CARM1: variants seen among roughly 807,000 people sequenced by gnomAD.
CARM1 encodes histone-arginine methyltransferase CARM1.
In CARM1, 14 loss-of-function variants were observed where a neutral mutation model predicts 72.7. That is an observed-to-expected ratio of 0.19 (90% CI 0.13 to 0.30). CARM1 has a LOEUF of 0.30. CARM1 is among the 10% of genes least tolerant of loss of function. The pLI, the probability that CARM1 is intolerant of heterozygous loss-of-function variation, is 1.00. For synonymous variants in CARM1, 333 were observed against 345.5 expected (o/e 0.96, Z 0.40); for missense variants, 432 against 833.7 (o/e 0.52, Z 5.93).
intron 1 of CARM1, among the ~76,000 whole-genome samples, chr19:10,878,733 T>A (rs1790135401): frequency 2.0e-5 from 3 of 152,024 alleles, no homozygotes; most frequent in Admixed American, 6.6e-5. Flanking sequence ...GCTCTAATGC[T>A]AAAGTGTGAA....
chr19:10,912,221 C>A lies in CARM1; in HGVS notation c.596C>A (p.Ser199Ter). ...GTTGGCTGTGGCTCTGGGATCCTGT[C>A]GTTTTTTGCCGCCCAAGCTGGAGCA... ...LDVGCGSGIL[S>*]FFAAQAGARK... The change falls in exon 5 of 16, where the codon TCG becomes TAG. Residue 199 changes from serine to a stop codon, truncating the protein, a stop_gained. Transcript: ENST00000327064. LOFTEE classifies it high-confidence loss of function. The surrounding 1 kb of genome is among the most constrained non-coding windows in gnomAD (Gnocchi z 4.5). 6.2e-7 allele frequency: 1 copy of A among 1,614,136 alleles called. No individual in the cohort carries two copies. The highest frequency in any genetic ancestry group is 1.1e-5 in the South Asian group (1 of 91,086).
chr19:10,884,020 T>G (rs991179112), intron 1 of CARM1, among the ~76,000 whole-genome samples: 2 of 145,988 alleles, frequency 1.4e-5, no homozygotes, highest in Admixed American at 1.4e-4. Context: ...TCTGTTTTTT[T>G]TTTTTTTTTT....
At chr19:10,888,499 G>A (rs982292338) in intron 1 of CARM1, among the ~76,000 whole-genome samples, 2 of 152,208 alleles carry the variant, frequency 1.3e-5, no homozygotes, top group African/African-American at 4.8e-5. Flanking sequence ...ACACCTAAGA[G>A]TGCTTCCTGG....
Position 10,904,988 on chromosome 19 carries a change from A to G in CARM1, c.258A>G (p.Arg86=). 6.2e-7 allele frequency: 1 copy of G among 1,614,198 alleles called. No homozygotes were observed. Among genetic ancestry groups the G allele is most frequent in the Non-Finnish European group, 8.5e-7 (1 of 1,180,012 alleles). ...GTGTCTTTAAGTGCTCAGTGTCCCG[A>G]GAGACAGAGTGCAGCCGTGTGGGCA... ...DVCVFKCSVS[R]ETECSRVGKQ... is the part of the protein sequence containing the mutation. The change falls in exon 2 of 16, where the codon CGA becomes CGG. Residue 86 remains arginine, a synonymous_variant. Coordinates refer to ENST00000327064, the MANE Select transcript of CARM1 (RefSeq NM_199141.2).
chr19:10,872,004 C>T (rs1289010982), intron 1 of CARM1, 82 bp downstream of exon 1: 6 of 1,107,074 alleles, frequency 5.4e-6, no homozygotes, highest in South Asian at 4.4e-5. Context: ...GGGGAGGGGC[C>T]CTGAGCGCGG....
Position 10,913,996 on chromosome 19 carries a change from C to T in CARM1, c.789C>T (p.Leu263=), listed in dbSNP as rs1388647125. The T allele has an allele frequency of 1.2e-6, 2 of 1,613,724 alleles. No homozygotes were observed. The highest frequency in any genetic ancestry group is 1.7e-6 in the Non-Finnish European group (2 of 1,179,954). Residue 263 remains leucine, a synonymous_variant, in exon 6 of 16, where the codon CTC becomes CTT. Coordinates refer to ENST00000327064, the MANE Select transcript of CARM1 (RefSeq NM_199141.2). ...IIISEPMGYM[L]FNERMLESYL... ...TCTCGGAGCCCATGGGCTACATGCT[C>T]TTCAACGAGCGCATGCTGGAGAGCT...
At chr19:10,906,059 T>G (rs1012801446) in intron 2 of CARM1, among the ~76,000 whole-genome samples, 1 of 149,786 alleles carries the variant, frequency 6.7e-6, no homozygotes, top group African/African-American at 2.5e-5. Flanking sequence ...AGGCGATTCT[T>G]ATGCCTCAGC....
chr19:10,890,920 T>C (rs997252300), intron 1 of CARM1, among the ~76,000 whole-genome samples: 3 of 150,076 alleles, frequency 2.0e-5, no homozygotes, highest in Non-Finnish European at 4.4e-5. Flanking sequence ...CAGTGTGCTA[T>C]GACTGGGCGG....
chr19:10,891,909 G>T (rs143554559), intron 1 of CARM1, among the ~76,000 whole-genome samples: 1 of 152,162 alleles, frequency 6.6e-6, no homozygotes, highest in Non-Finnish European at 1.5e-5. Flanking sequence ...GGCAAAGGAG[G>T]GTGCGGATTG....
chr19:10,919,433 G>T (rs1204680568), intron 8 of CARM1, 162 bp from the exon 9 acceptor site: 2 of 605,516 alleles, frequency 3.3e-6, no homozygotes, highest in Non-Finnish European at 5.9e-6. Flanking sequence ...GCCCTCGGTG[G>T]CGTTGTGCCG....
At chr19:10,886,829 T>C (rs2073945973) in intron 1 of CARM1, among the ~76,000 whole-genome samples, 1 of 150,120 alleles carries the variant, frequency 6.7e-6, no homozygotes, top group Admixed American at 6.6e-5. Context: ...AGATTCCATC[T>C]CAAAAAAAAA....
intron 3 of CARM1, among the ~76,000 whole-genome samples, 187 bp downstream of exon 3, chr19:10,908,332 C>T (rs1355816947): frequency 2.6e-5 from 4 of 152,200 alleles, no homozygotes; most frequent in Non-Finnish European, 5.9e-5. Flanking sequence ...ATCTGTGAAG[C>T]GGAGATGCAG....
At chr19:10,919,731 A>C in intron 9 of CARM1, 51 bp downstream of exon 9, 1 of 1,564,934 alleles carries the variant, frequency 6.4e-7, no homozygotes. Flanking sequence ...GCCGAAGGTC[A>C]GGGCCACCCC....
chr19:10,910,045 A>G (rs1288372243), intron 4 of CARM1, among the ~76,000 whole-genome samples: 1 of 151,886 alleles, frequency 6.6e-6, no homozygotes, highest in African/African-American at 2.4e-5. Flanking sequence ...GTGAGCTGTG[A>G]TTGGGGTACT....
intron 6 of CARM1, 45 bp downstream of exon 6, chr19:10,914,099 C>T: frequency 6.5e-7 from 1 of 1,539,464 alleles, no homozygotes; most frequent in Non-Finnish European, 8.8e-7. Flanking sequence ...GGTGGAGGCC[C>T]TGGCTGCCGC....
chr19:10,884,302 C>T (rs1269381454), intron 1 of CARM1, among the ~76,000 whole-genome samples: 6 of 150,118 alleles, frequency 4.0e-5, no homozygotes, highest in African/African-American at 1.5e-4. Flanking sequence ...GATCACACAA[C>T]TGCACTCCAG....
At position 10,920,892 on chromosome 19, in the gene CARM1, A is replaced by G; in HGVS notation, c.1483A>G (p.Asn495Asp). 1 of 1,614,234 alleles carries G rather than the reference A, an allele frequency of 6.2e-7. No homozygotes were observed. Among genetic ancestry groups the G allele is most frequent in the East Asian group, 2.2e-5 (1 of 44,876 alleles). ...CTCCCACTACACATCTCCCTCGGAA[A>G]ACATGTGGAACACGGGCAGCACCTA... ...PGSHYTSPSE[N>D]MWNTGSTYNL... The change falls in exon 13 of 16, where the codon AAC (asparagine) becomes GAC (aspartate). Residue 495 changes from asparagine to aspartate, a missense_variant. Asn to Asp is a conservative substitution (Grantham distance 23). This residue lies in a region of CARM1 where 142 missense variants were observed against 188.7 expected (regional missense o/e 0.75). Transcript: ENST00000327064. The surrounding 1 kb of genome is among the most constrained non-coding windows in gnomAD (Gnocchi z 5.3).
intron 2 of CARM1, among the ~76,000 whole-genome samples, chr19:10,907,000 G>A (rs1396620257): frequency 1.3e-5 from 2 of 151,080 alleles, no homozygotes; most frequent in Non-Finnish European, 2.9e-5. Context: ...TCCACCTCCC[G>A]GGTTCAAGTG....
rs780267966 is a variant in CARM1 at position 10,921,457 on chromosome 19, C to T, written c.1684+14C>T. The T allele has an allele frequency of 7.0e-5, 111 of 1,596,892 alleles. No individual in the cohort carries two copies. The highest frequency in any genetic ancestry group is 3.6e-4 in the Admixed American group (20 of 56,192). On this transcript the variant is annotated intron_variant, in intron 15 of 15. Coordinates refer to ENST00000327064, the MANE Select transcript of CARM1 (RefSeq NM_199141.2). ...GGATTGTCCAAGGTAACGAGGGTGG[C>T]GGGGGCAGGGCCCGTGGGGGCCGAG...
Sources: gnomAD v4.1 joint callset for allele counts (sites outside exome capture counted in the v4.1 genomes callset) on GRCh38, gnomAD v4.1.1 for gene constraint, gnomAD v4.1.1 regional missense constraint, Gnocchi (gnomAD v3.1) non-coding constraint, MANE v1.5 for transcripts, NCBI Gene and HGNC (gene_info 2026-07-23, HGNC 2026-07-21) for gene names.